The following OR1J2 variants were observed in gnomAD, a reference collection of about 807,000 sequenced individuals.
OR1J2 encodes the protein olfactory receptor family 1 subfamily J member 2.
For synonymous variants in OR1J2, 142 were observed against 99.7 expected, an observed-to-expected ratio of 1.42 and a Z score of -2.52; for missense variants, 304 against 246.1, an observed-to-expected ratio of 1.24 and a Z score of -1.57.
At chr9:122,557,456 A>G in the OR1J2 span, among the ~76,000 whole-genome samples, 1 of 151,968 alleles carries the variant, frequency 6.6e-6, no homozygotes, top group African/African-American at 2.4e-5. Context: ...TTCTGCATCT[A>G]TTTATATTAT....
the OR1J2 span, among the ~76,000 whole-genome samples, chr9:122,489,719 T>G: frequency 2.6e-5 from 4 of 152,222 alleles, no homozygotes; most frequent in African/African-American, 9.6e-5. Flanking sequence ...TGGTGACCAT[T>G]GTTTGTGTCC....
the OR1J2 span, among the ~76,000 whole-genome samples, chr9:122,524,812 G>A: frequency 3.3e-5 from 5 of 152,206 alleles, no homozygotes; most frequent in Non-Finnish European, 7.3e-5. Context: ...GTGTGAGGCT[G>A]TATCTGGTGA....
Position 122,511,159 on chromosome 9 carries a change from T to C in OR1J2, c.358T>C (p.Tyr120His), listed in dbSNP as rs1411027555. The C allele has an allele frequency of 1.4e-6, 1 of 728,218 alleles. No homozygotes were observed. The highest frequency in any genetic ancestry group is 1.8e-5 in the African/African-American group (1 of 57,034). 45.1% of individuals were successfully genotyped at this position (728,218 alleles called of 1,614,324 possible). A position where few individuals can be genotyped will look rare whatever the true frequency, so the allele number is the denominator to read the frequency against. The change falls in exon 1 of 1, where the codon TAT (tyrosine) becomes CAT (histidine). Residue 120 changes from tyrosine to histidine, a missense_variant. Physicochemically the swap from Tyr to His is moderately conservative, Grantham distance 83. Transcript: ENST00000335302. ...LDSFLITSMA[Y>H]DRYVAICHPL... ...CAGCTTCCTTATTACATCAATGGCA[T>C]ATGACCGATATGTTGCCATATGTCA... is the stretch of plus-strand genomic sequence containing the variant.
At chr9:122,453,232 A>G in the OR1J2 span, among the ~76,000 whole-genome samples, 1 of 152,118 alleles carries the variant, frequency 6.6e-6, no homozygotes, top group Admixed American at 6.5e-5. Context: ...TCTTTTCTTT[A>G]TAAATTACCC....
At chr9:122,475,211 T>C in the OR1J2 span, 1 of 152,112 alleles carries the variant, frequency 6.6e-6, no homozygotes, top group East Asian at 1.9e-4. Flanking sequence ...AGGGGCAGGG[T>C]TAGGCATGGG....
At chr9:122,496,965 C>T in the OR1J2 span, among the ~76,000 whole-genome samples, 1 of 152,010 alleles carries the variant, frequency 6.6e-6, no homozygotes, top group Non-Finnish European at 1.5e-5. Context: ...GGGGGAAAGC[C>T]GGCAGGTGAG....
chr9:122,553,097 C>T, the OR1J2 span: 1 of 1,098,396 alleles, frequency 9.1e-7, no homozygotes, highest in Non-Finnish European at 1.3e-6. Flanking sequence ...TTTTTCTTTT[C>T]TTTTTCTCCC....
the OR1J2 span, chr9:122,527,254 C>G: frequency 1.2e-6 from 2 of 1,612,136 alleles, no homozygotes; most frequent in African/African-American, 2.7e-5. Context: ...GCTGATATTC[C>G]TCGGAGGAAA....
At chr9:122,541,364 G>C in the OR1J2 span, among the ~76,000 whole-genome samples, 2 of 152,168 alleles carry the variant, frequency 1.3e-5, no homozygotes, top group African/African-American at 4.8e-5. Context: ...CGACTTGAGA[G>C]TGAAAGGGAA....
At chr9:122,543,227 T>C in the OR1J2 span, among the ~76,000 whole-genome samples, 14 of 152,116 alleles carry the variant, frequency 9.2e-5, no homozygotes, top group South Asian at 4.1e-4. Flanking sequence ...TTAGACAGGG[T>C]CTTGTTCTGT....
chr9:122,468,815 C>A, the OR1J2 span, among the ~76,000 whole-genome samples: 1 of 152,182 alleles, frequency 6.6e-6, no homozygotes. Flanking sequence ...AGCGGACTAA[C>A]CTCCTATGAA....
At chr9:122,467,141 CTG>C in the OR1J2 span, among the ~76,000 whole-genome samples, 733 of 152,264 alleles carry the variant, frequency 4.8e-3, 5 homozygotes, top group African/African-American at 0.017. Context: ...GTGGTCTTAA[CTG>C]TGCTCATTGA....
rs1828626018 is a variant in OR1J2, at chr9:122,511,113, T to A, written c.312T>A (p.Phe104Leu). 1 of 996,472 alleles carries A rather than the reference T, an allele frequency of 1.0e-6. No individual in the cohort carries two copies. Among genetic ancestry groups the A allele is most frequent in the Admixed American group, 2.1e-5 (1 of 48,036 alleles). The allele number at this position is 996,472 out of a possible 1,614,324, so 61.7% of individuals were successfully genotyped here. The change falls in exon 1 of 1, where the codon TTT (phenylalanine) becomes TTA (leucine). Residue 104 changes from phenylalanine to leucine, a missense_variant. Phe to Leu is a conservative substitution (Grantham distance 22). Transcript: ENST00000335302. The part of the protein sequence containing the change: ...YEECISQMYF[F>L]IFFTDLDSFL... ...AATGCATTTCTCAGATGTATTTTTT[T>A]ATATTTTTTACTGACCTGGACAGCT...
chr9:122,478,742 A>G, the OR1J2 span, among the ~76,000 whole-genome samples: 1 of 152,150 alleles, frequency 6.6e-6, no homozygotes, highest in African/African-American at 2.4e-5. Flanking sequence ...AATCTTTCTT[A>G]TGGTTTCAGA....
the OR1J2 span, chr9:122,568,526 T>C: frequency 1.8e-6 from 2 of 1,091,292 alleles, no homozygotes; most frequent in Non-Finnish European, 2.7e-6. Context: ...TAACATGCTC[T>C]GATTTCATAA....
At chr9:122,567,580 CCT>C in the OR1J2 span, 1 of 1,601,288 alleles carries the variant, frequency 6.2e-7, no homozygotes, top group East Asian at 2.2e-5. Context: ...TTCCTCAGGC[CCT>C]GTTTCAGGTC....
the OR1J2 span, chr9:122,519,746 GGGACA>G: frequency 1.2e-6 from 2 of 1,614,096 alleles, no homozygotes; most frequent in Non-Finnish European, 1.7e-6. Flanking sequence ...TTTTCACAGT[GGGACA>G]GGCAGTCATT....
At chr9:122,544,431 T>C in the OR1J2 span, among the ~76,000 whole-genome samples, 1 of 146,192 alleles carries the variant, frequency 6.8e-6, no homozygotes, top group Non-Finnish European at 1.5e-5. Flanking sequence ...TTTTTTTTTT[T>C]TTTTTTGAGA....
chr9:122,540,655 A>G, the OR1J2 span, among the ~76,000 whole-genome samples: 1 of 152,196 alleles, frequency 6.6e-6, no homozygotes, highest in African/African-American at 2.4e-5. Context: ...CTGTGCAGAA[A>G]GTCACTGGTA....
Sources: gnomAD v4.1 joint callset for allele counts (sites outside exome capture counted in the v4.1 genomes callset) on GRCh38, gnomAD v4.1.1 for gene constraint, MANE v1.5 for transcripts, NCBI Gene and HGNC (gene_info 2026-07-23, HGNC 2026-07-21) for gene names.